PLCZ1: variants seen among roughly 807,000 people sequenced by gnomAD.
The protein encoded by PLCZ1 is phospholipase C zeta 1.
In PLCZ1, 64 loss-of-function variants were observed where a neutral mutation model predicts 76.8. The ratio of observed to expected loss-of-function variants is 0.83; its 90% confidence interval spans 0.68 to 1.03. PLCZ1 has a LOEUF of 1.03. Among genes scored for constraint, PLCZ1 ranks in the 50% least tolerant of loss-of-function variants. The probability of loss-of-function intolerance (pLI) is 0.00; values close to 1 mark genes in which losing one functional copy is unlikely to be tolerated. For missense variants in PLCZ1, 751 were observed against 713.7 expected (o/e 1.05, Z -0.60); for synonymous variants, 248 against 230.8 (o/e 1.07, Z -0.68).
the PLCZ1 span, among the ~76,000 whole-genome samples, chr12:18,655,022 G>A: frequency 5.4e-5 from 8 of 149,360 alleles, no homozygotes; most frequent in African/African-American, 1.5e-4. Context: ...AAACCCAGCC[G>A]AAACAGTCTT....
intron 3 of PLCZ1, 31 bp from the exon 4 acceptor site, chr12:18,723,573 T>C (rs747403994): frequency 6.6e-7 from 1 of 1,512,126 alleles, no homozygotes; most frequent in Non-Finnish European, 9.2e-7. Context: ...GGGCTCACAT[T>C]GTGAGTATAA....
intron 6 of PLCZ1, among the ~76,000 whole-genome samples, chr12:18,709,228 G>C (rs1957004817): frequency 6.9e-6 from 1 of 144,658 alleles, no homozygotes; most frequent in African/African-American, 2.6e-5. Flanking sequence ...TCGTTCTTTA[G>C]CATGTCGAAA....
intron 10 of PLCZ1, 28 bp from the exon 11 acceptor site, chr12:18,696,294 A>C (rs1463406718): frequency 2.1e-6 from 2 of 964,274 alleles, no homozygotes; most frequent in South Asian, 3.0e-5. Context: ...AAACATTGTG[A>C]AAGAATTCAA....
At chr12:18,645,884 T>G in the PLCZ1 span, among the ~76,000 whole-genome samples, 1 of 152,214 alleles carries the variant, frequency 6.6e-6, no homozygotes, top group Non-Finnish European at 1.5e-5. Context: ...CCCATTTTTC[T>G]GCATCATATA....
At chr12:18,648,294 T>C in the PLCZ1 span, 1 of 241,872 alleles carries the variant, frequency 4.1e-6, no homozygotes, top group East Asian at 6.0e-5. Flanking sequence ...TTAAATCATT[T>C]TAATATATTT....
the PLCZ1 span, among the ~76,000 whole-genome samples, chr12:18,659,722 G>A: frequency 4.0e-4 from 56 of 139,030 alleles, no homozygotes; most frequent in African/African-American, 1.4e-3. Context: ...TGTGCACAAC[G>A]TGCAGGTTTG....
intron 5 of PLCZ1, chr12:18,715,006 C>G (rs971894724): frequency 6.6e-6 from 1 of 151,770 alleles, no homozygotes; most frequent in Admixed American, 6.6e-5. Context: ...GAAAATGAAT[C>G]TTTTAGATTT....
At chr12:18,710,857 T>C (rs968222050) in intron 6 of PLCZ1, among the ~76,000 whole-genome samples, 3 of 152,116 alleles carry the variant, frequency 2.0e-5, no homozygotes, top group Non-Finnish European at 4.4e-5. Flanking sequence ...CCAGTTAGAA[T>C]GGCGATCATT....
intron 6 of PLCZ1, among the ~76,000 whole-genome samples, chr12:18,710,032 A>T (rs1446732448): frequency 6.6e-6 from 1 of 151,796 alleles, no homozygotes; most frequent in East Asian, 1.9e-4. Context: ...GAATTCATTT[A>T]TGAGTTCTAA....
At chr12:18,719,784 G>T in intron 4 of PLCZ1, 152 bp from the exon 5 acceptor site, 1 of 456,266 alleles carries the variant, frequency 2.2e-6, no homozygotes. Flanking sequence ...TATGTTGTTT[G>T]GAAACAAATT....
At chr12:18,712,393 C>G (rs1349299696) in intron 6 of PLCZ1, among the ~76,000 whole-genome samples, 1 of 152,106 alleles carries the variant, frequency 6.6e-6, no homozygotes, top group African/African-American at 2.4e-5. Flanking sequence ...AAGTAAACTT[C>G]TGAACATTTC....
chr12:18,692,872 C>T, intron 12 of PLCZ1: 2 of 1,602,602 alleles, frequency 1.2e-6, no homozygotes, highest in Non-Finnish European at 1.7e-6. Flanking sequence ...GTACCAACTA[C>T]AGTGGGGAAA....
chr12:18,683,480 A>G, intron 14 of PLCZ1, 156 bp from the exon 15 acceptor site: 2 of 1,477,576 alleles, frequency 1.4e-6, no homozygotes, highest in Non-Finnish European at 1.8e-6. Context: ...TTCCACAAAA[A>G]TTAAATATTT....
the PLCZ1 span, among the ~76,000 whole-genome samples, chr12:18,650,704 G>GTATATCTA: frequency 3.5e-5 from 2 of 57,790 alleles, no homozygotes; most frequent in East Asian, 8.9e-4. Flanking sequence ...GTGTGTGTGT[G>GTATATCTA]TATATATCTA....
chr12:18,700,070 C>T, intron 9 of PLCZ1, 120 bp from the exon 10 acceptor site: 1 of 814,578 alleles, frequency 1.2e-6, no homozygotes, highest in South Asian at 1.6e-5. Flanking sequence ...AGATTATCTC[C>T]TCAAACACCA....
At chr12:18,711,976 A>G (rs1300215269) in intron 6 of PLCZ1, among the ~76,000 whole-genome samples, 3 of 152,146 alleles carry the variant, frequency 2.0e-5, no homozygotes, top group African/African-American at 7.2e-5. Flanking sequence ...TTTAATATAT[A>G]GTAGATAAAT....
chr12:18,718,388 T>C (rs1416287664), intron 5 of PLCZ1, among the ~76,000 whole-genome samples: 3 of 152,104 alleles, frequency 2.0e-5, no homozygotes, highest in Admixed American at 2.0e-4. Flanking sequence ...TATGACACTA[T>C]CTTAAGGAAA....
chr12:18,730,219 GA>G (rs1958967093), intron 3 of PLCZ1, among the ~76,000 whole-genome samples: 1 of 151,872 alleles, frequency 6.6e-6, no homozygotes, highest in Non-Finnish European at 1.5e-5. Context: ...TTTACTCTGG[GA>G]AAAGGTGCAT....
At chr12:18,693,217 G>A (rs530367484) in intron 12 of PLCZ1, 464 of 1,571,866 alleles carry the variant, frequency 3.0e-4, no homozygotes, top group Non-Finnish European at 3.6e-4. Context: ...CTGGAACCTG[G>A]CTGCTCGGTC....
Sources: allele counts gnomAD v4.1 joint callset (sites outside exome capture counted in the v4.1 genomes callset), GRCh38; gene constraint gnomAD v4.1.1; transcripts MANE v1.5; gene names NCBI Gene and HGNC (gene_info 2026-07-23, HGNC 2026-07-21).